Variants in SCAND3 observed in about 807,000 individuals in gnomAD.
SCAND3 encodes SCAN domain-containing protein 3.
chr6:28,606,848 C>T, the SCAND3 span, among the ~76,000 whole-genome samples: 1 of 152,212 alleles, frequency 6.6e-6, no homozygotes, highest in Non-Finnish European at 1.5e-5. Flanking sequence ...CTACAGTTTC[C>T]CTTCAAACAC....
At chr6:28,579,264 A>C in the SCAND3 span, 2 of 1,610,994 alleles carry the variant, frequency 1.2e-6, no homozygotes, top group Non-Finnish European at 1.7e-6. This position sits in a 1 kb window ranked among gnomAD's most constrained non-coding sequence, Gnocchi z 4.5. Context: ...GAACTAAATT[A>C]TTCTCACCAT....
At chr6:28,608,040 G>A in the SCAND3 span, among the ~76,000 whole-genome samples, 2 of 152,144 alleles carry the variant, frequency 1.3e-5, no homozygotes, top group South Asian at 2.1e-4. Flanking sequence ...TGCTCAGAGC[G>A]AGACCCGCTC....
At chr6:28,594,095 C>G in the SCAND3 span, 1 of 152,004 alleles carries the variant, frequency 6.6e-6, no homozygotes, top group Admixed American at 6.6e-5. Flanking sequence ...TGGTAACAAG[C>G]GTTGACAAGG....
the SCAND3 span, among the ~76,000 whole-genome samples, chr6:28,591,912 GC>G: frequency 1.3e-5 from 2 of 152,290 alleles, no homozygotes; most frequent in South Asian, 4.2e-4. Context: ...ATTAATGGTA[GC>G]TGATTTCCTG....
At chr6:28,586,671 G>A in the SCAND3 span, 28 of 1,614,014 alleles carry the variant, frequency 1.7e-5, no homozygotes, top group Non-Finnish European at 2.4e-5. The surrounding 1 kb of genome is among the most constrained non-coding windows in gnomAD (Gnocchi z 4.4). Context: ...TTGTTCTTCT[G>A]GAGCCTGGCC....
the SCAND3 span, chr6:28,589,718 C>G: frequency 6.6e-6 from 1 of 152,064 alleles, no homozygotes; most frequent in African/African-American, 2.4e-5. Flanking sequence ...ACGTGGAAAC[C>G]CAATTCCTGT....
chr6:28,575,655 T>C, the SCAND3 span: 1 of 1,614,176 alleles, frequency 6.2e-7, no homozygotes, highest in Non-Finnish European at 8.5e-7. This position sits in a 1 kb window ranked among gnomAD's most constrained non-coding sequence, Gnocchi z 4.2. Context: ...GTTGGCATGG[T>C]TTACAGAGGG....
At chr6:28,602,196 A>G in the SCAND3 span, among the ~76,000 whole-genome samples, 3 of 151,866 alleles carry the variant, frequency 2.0e-5, no homozygotes, top group Non-Finnish European at 2.9e-5. Flanking sequence ...ATAATTCATG[A>G]CACTTAAATA....
At chr6:28,588,316 C>A in the SCAND3 span, among the ~76,000 whole-genome samples, 4 of 152,196 alleles carry the variant, frequency 2.6e-5, no homozygotes, top group South Asian at 8.3e-4. The surrounding 1 kb of genome is among the most constrained non-coding windows in gnomAD (Gnocchi z 4.1). Flanking sequence ...ACCTTTTTCT[C>A]ATTCTGCAAG....
the SCAND3 span, among the ~76,000 whole-genome samples, chr6:28,611,976 A>G: frequency 1.3e-5 from 2 of 152,156 alleles, no homozygotes; most frequent in African/African-American, 4.8e-5. Flanking sequence ...CATCCAGAAG[A>G]GGAATAAGCA....
At chr6:28,591,075 C>T in the SCAND3 span, 1 of 152,210 alleles carries the variant, frequency 6.6e-6, no homozygotes, top group African/African-American at 2.4e-5. Context: ...CATAGCCTGC[C>T]TGTGTTACTG....
the SCAND3 span, chr6:28,574,900 G>A: frequency 2.5e-6 from 4 of 1,613,912 alleles, no homozygotes; most frequent in Non-Finnish European, 2.5e-6. Context: ...AACTACACAG[G>A]ATAAAAATCT....
the SCAND3 span, chr6:28,589,267 C>T: frequency 6.6e-6 from 1 of 152,228 alleles, no homozygotes; most frequent in Non-Finnish European, 1.5e-5. Context: ...GCTTTCCTGT[C>T]AGCGTGAGTC....
chr6:28,607,596 C>T, the SCAND3 span, among the ~76,000 whole-genome samples: 1 of 150,800 alleles, frequency 6.6e-6, no homozygotes, highest in Non-Finnish European at 1.5e-5. Flanking sequence ...ATAGCAGAAA[C>T]ATATCTTATT....
chr6:28,594,728 A>G, the SCAND3 span, among the ~76,000 whole-genome samples: 10 of 152,206 alleles, frequency 6.6e-5, no homozygotes, highest in African/African-American at 2.4e-4. Context: ...GTCATTTTTC[A>G]CAATGAGGAT....
the SCAND3 span, chr6:28,574,940 C>A: frequency 6.2e-6 from 10 of 1,613,720 alleles, no homozygotes; most frequent in Admixed American, 1.5e-4. Flanking sequence ...CTTTTTTCAG[C>A]CACCTTAGGA....
chr6:28,593,221 A>G, the SCAND3 span, among the ~76,000 whole-genome samples: 1 of 152,186 alleles, frequency 6.6e-6, no homozygotes, highest in African/African-American at 2.4e-5. Flanking sequence ...CAAGAAAACA[A>G]TCAACCTGAT....
chr6:28,594,590 C>T, the SCAND3 span, among the ~76,000 whole-genome samples: 196 of 152,176 alleles, frequency 1.3e-3, no homozygotes, highest in African/African-American at 4.4e-3. Flanking sequence ...GGGAGGTGGA[C>T]GTTGCAGTGA....
At chr6:28,609,553 A>G in the SCAND3 span, among the ~76,000 whole-genome samples, 1 of 152,220 alleles carries the variant, frequency 6.6e-6, no homozygotes, top group Non-Finnish European at 1.5e-5. Flanking sequence ...TAAAACTACA[A>G]CATTTTGCAA....
Sources: gnomAD v4.1 joint callset for allele counts (sites outside exome capture counted in the v4.1 genomes callset) on GRCh38, gnomAD v4.1.1 for gene constraint, Gnocchi (gnomAD v3.1) non-coding constraint, MANE v1.5 for transcripts, NCBI Gene and HGNC (gene_info 2026-07-23, HGNC 2026-07-21) for gene names.